The following EHD4 variants were observed in gnomAD, a reference collection of about 807,000 sequenced individuals.
The protein encoded by EHD4 is EH domain containing 4.
A neutral mutation model predicts 51.0 loss-of-function variants in EHD4; 37 were observed. The ratio of observed to expected loss-of-function variants is 0.73; its 90% CI spans 0.56 to 0.95. The LOEUF (loss-of-function observed/expected upper bound fraction) is 0.95, where lower values mean the gene tolerates loss of function less well. EHD4 is among the 40% of genes least tolerant of loss of function. The pLI is 0.00. For synonymous variants in EHD4, 297 were observed against 317.3 expected, an observed-to-expected ratio of 0.94 and a Z score of 0.68; for missense variants, 632 against 733.1, an observed-to-expected ratio of 0.86 and a Z score of 1.59.
At chr15:41,928,047 A>G (rs1476864753) in intron 3 of EHD4, among the ~76,000 whole-genome samples, 1 of 152,200 alleles carries the variant, frequency 6.6e-6, no homozygotes, top group African/African-American at 2.4e-5. Flanking sequence ...CTCAGGTATT[A>G]TAAATACACT....
chr15:41,931,178 T>A (rs1173167850), intron 3 of EHD4, among the ~76,000 whole-genome samples: 1 of 152,230 alleles, frequency 6.6e-6, no homozygotes, highest in African/African-American at 2.4e-5. Flanking sequence ...TAAAGAAAAA[T>A]TGTATATATT....
Position 41,896,322 on chromosome 15 carries a change from C to T in EHD4, c.*4323G>A, listed in dbSNP as rs899473170. On this transcript the variant is annotated 3_prime_UTR_variant, in exon 6 of 6. Coordinates refer to ENST00000220325, the MANE Select transcript of EHD4 (RefSeq NM_139265.4). The stretch of plus-strand genomic sequence containing the variant: ...CTGACCCCAGCAGCTCTGGACACCC[C>T]TCTCAGTGCCATTTATATTGTTGCA... 2.0e-4 allele frequency: 30 copies of T among 152,372 alleles called. No individual in the cohort carries two copies. Among genetic ancestry groups the T allele is most frequent in the African/African-American group, 7.2e-4 (30 of 41,570 alleles). The allele number at this position is 152,372 out of a possible 1,614,324, so 9.4% of individuals were successfully genotyped here.
intron 3 of EHD4, among the ~76,000 whole-genome samples, chr15:41,931,673 G>A (rs961719986): frequency 1.7e-4 from 26 of 151,450 alleles, no homozygotes; most frequent in Non-Finnish European, 3.8e-4. Flanking sequence ...AATCTACTCA[G>A]CAATTTCTTT....
rs752463218 is a variant in EHD4, at chr15:41,953,889, G to T, written c.288C>A (p.Thr96=). Residue 96 remains threonine (T), a synonymous_variant, in exon 2 of 6, where the codon ACC becomes ACA. Transcript: ENST00000220325. ...FPGMRIGPEP[T]TDSFIAVMYG... ...ACATCACGGCGATGAAGGAGTCTGT[G>T]GTGGGCTCCGGACCAATCCTCATGC... The T allele has an allele frequency of 6.8e-6, 11 of 1,613,836 alleles. No individual in the cohort carries two copies. The East Asian group carries it at 2.0e-4, about 29-fold the overall frequency.
intron 3 of EHD4, among the ~76,000 whole-genome samples, chr15:41,934,889 G>A (rs1486997327): frequency 6.6e-6 from 1 of 152,186 alleles, no homozygotes; most frequent in African/African-American, 2.4e-5. Context: ...GGAAGACCCG[G>A]ACATTCCTAA....
intron 3 of EHD4, among the ~76,000 whole-genome samples, chr15:41,939,218 T>C (rs962041176): frequency 7.9e-5 from 12 of 152,154 alleles, no homozygotes; most frequent in African/African-American, 2.9e-4. Flanking sequence ...GCTACTAAAA[T>C]ACAAGAAAAG....
chr15:41,949,016 CTA>C (rs3035677), intron 2 of EHD4, among the ~76,000 whole-genome samples: 8,083 of 92,208 alleles, frequency 0.088, 436 homozygotes, highest in African/African-American at 0.13. Flanking sequence ...CAGAGTGAGA[CTA>C]TATATATATA....
intron 2 of EHD4, among the ~76,000 whole-genome samples, chr15:41,948,251 T>G (rs538762760): frequency 6.6e-6 from 1 of 151,128 alleles, no homozygotes; most frequent in Non-Finnish European, 1.5e-5. Context: ...AGACTCCGCC[T>G]CCAAAAAAAA....
At chr15:41,951,524 A>G (rs1013676060) in intron 2 of EHD4, among the ~76,000 whole-genome samples, 2 of 152,194 alleles carry the variant, frequency 1.3e-5, no homozygotes, top group Non-Finnish European at 2.9e-5. Context: ...AAGCAAGCCA[A>G]TAACCACTCT....
At chr15:41,954,472 G>A (rs527935488) in intron 1 of EHD4, among the ~76,000 whole-genome samples, 40 of 152,172 alleles carry the variant, frequency 2.6e-4, no homozygotes, top group Middle Eastern at 3.4e-3. Context: ...TTTCTAAAAA[G>A]TTTTGACTGA....
chr15:41,953,314 C>G (rs2067865363), intron 2 of EHD4, among the ~76,000 whole-genome samples: 1 of 152,138 alleles, frequency 6.6e-6, no homozygotes, highest in Non-Finnish European at 1.5e-5. Context: ...CATGAGGCAG[C>G]CTAATCCATT....
chr15:41,925,634 G>C (rs1249519575), intron 3 of EHD4, among the ~76,000 whole-genome samples: 1 of 151,956 alleles, frequency 6.6e-6, no homozygotes, highest in Admixed American at 6.6e-5. Flanking sequence ...TATTAGTCTG[G>C]AACAAAAAAG....
At chr15:41,918,083 A>ATTG (rs1456871835) in intron 4 of EHD4, among the ~76,000 whole-genome samples, 1 of 152,110 alleles carries the variant, frequency 6.6e-6, no homozygotes, top group Admixed American at 6.5e-5. Flanking sequence ...AGGAGGAAGA[A>ATTG]TTGTCCCCAC....
rs954243414 is a variant in EHD4 at position 41,909,919 on chromosome 15, A to T, written c.925-56T>A. ...TCATTTAGAATTGCATCAGAGAAGGAACAAACAAGATTGCATCTTAACTCC... is the reference window on the plus strand; with the variant it reads ...TCATTTAGAATTGCATCAGAGAAGGTACAAACAAGATTGCATCTTAACTCC... On this transcript the variant is annotated intron_variant, in intron 4 of 5. Coordinates refer to ENST00000220325, the MANE Select transcript of EHD4 (RefSeq NM_139265.4). 3.7e-6 allele frequency: 6 copies of T among 1,601,518 alleles called. No homozygotes were observed. The African/African-American group carries it at 8.0e-5, about 21-fold the overall frequency.
intron 3 of EHD4, among the ~76,000 whole-genome samples, chr15:41,931,725 G>A (rs1426217035): frequency 6.7e-6 from 1 of 149,412 alleles, no homozygotes; most frequent in African/African-American, 2.5e-5. Context: ...CACCCAGGCT[G>A]GAATGCAGTG....
At chr15:41,937,669 C>CT (rs1401607145) in intron 3 of EHD4, among the ~76,000 whole-genome samples, 1 of 152,240 alleles carries the variant, frequency 6.6e-6, no homozygotes. Context: ...CTGGACATCT[C>CT]TAAGTGTTCT....
At chr15:41,927,604 T>A (rs1327283212) in intron 3 of EHD4, among the ~76,000 whole-genome samples, 1 of 152,182 alleles carries the variant, frequency 6.6e-6, no homozygotes. Context: ...AGGACAAACA[T>A]ACATAATTCT....
chr15:41,944,313 T>C (rs2067797027), intron 2 of EHD4, among the ~76,000 whole-genome samples: 1 of 152,222 alleles, frequency 6.6e-6, no homozygotes, highest in Non-Finnish European at 1.5e-5. Context: ...GGGTCTGGGA[T>C]GGACCTTTGT....
rs200735207 is a variant in EHD4 at position 41,900,824 on chromosome 15, C to T, written c.1447G>A (p.Val483Ile). 39 of 1,614,042 alleles carry T rather than the reference C, an allele frequency of 2.4e-5. No individual in the cohort carries two copies. Among genetic ancestry groups the T allele is most frequent in the South Asian group, 2.4e-4 (22 of 91,088 alleles). The change falls in exon 6 of 6, where the codon GTC becomes ATC. Residue 483 changes from valine (V) to isoleucine (I), a missense_variant. Val to Ile is a conservative substitution (Grantham distance 29). Transcript: ENST00000220325. The surrounding 1 kb of genome is among the most constrained non-coding windows in gnomAD (Gnocchi z 4.8). ...GCCAGCTTCCAGATCTTGCCCAGGA[C>T]GCTGTTGGGCAGCTTGGAGGTCACC... ...EMVTSKLPNS[V>I]LGKIWKLADC...
Sources: allele counts gnomAD v4.1 joint callset (sites outside exome capture counted in the v4.1 genomes callset), GRCh38; gene constraint gnomAD v4.1.1; non-coding constraint Gnocchi (gnomAD v3.1); transcripts MANE v1.5; gene names NCBI Gene and HGNC (gene_info 2026-07-23, HGNC 2026-07-21).